Variants in LNX2 observed in about 807,000 individuals in gnomAD.
LNX2 encodes the protein ligand of numb-protein X 2, also known as ligand of Numb protein X 2.
A neutral mutation model predicts 66.2 loss-of-function variants in LNX2; 35 were observed. That is an observed-to-expected ratio of 0.53 (90% CI 0.40 to 0.70). LNX2 has a LOEUF of 0.70. Ranked by LOEUF, LNX2 falls within the 30% of genes least tolerant of loss-of-function variation. LNX2 has a pLI of 0.00. For synonymous variants in LNX2, 337 were observed against 315.6 expected, an observed-to-expected ratio of 1.07 and a Z score of -0.72; for missense variants, 791 against 850.8, an observed-to-expected ratio of 0.93 and a Z score of 0.87.
Position 27,553,352 on chromosome 13 carries a change from G to T in LNX2, c.1634C>A (p.Ser545Tyr). ...AVAMLKASAASPAVALKALEV... is the reference protein window; with the variant it reads ...AVAMLKASAAYPAVALKALEV... ...AAGTGCTTTAAGGGCAACAGCAGGGGACGCGGCACTGGCTTTCAGCATTGC... is the reference window on the plus strand; with the variant it reads ...AAGTGCTTTAAGGGCAACAGCAGGGTACGCGGCACTGGCTTTCAGCATTGC... The change falls in exon 8 of 10, where the codon TCC (serine) becomes TAC (tyrosine). Residue 545 changes from serine (S) to tyrosine (Y), a missense_variant. Transcript: ENST00000316334. 1 of 1,614,152 alleles carries T rather than the reference G, an allele frequency of 6.2e-7. No individual in the cohort carries two copies. The highest frequency in any genetic ancestry group is 8.5e-7 in the Non-Finnish European group (1 of 1,180,032).
intron 7 of LNX2, among the ~76,000 whole-genome samples, chr13:27,555,705 T>A (rs1200243424): frequency 6.6e-6 from 1 of 152,206 alleles, no homozygotes; most frequent in African/African-American, 2.4e-5. Flanking sequence ...GTTTTCAGAG[T>A]CACTTTTCTT....
chr13:27,569,022 C>T lies in LNX2; in HGVS notation c.655+7G>A, dbSNP rs1955241627. 1.2e-6 allele frequency: 2 copies of T among 1,610,784 alleles called. No individual in the cohort carries two copies. Among genetic ancestry groups the T allele is most frequent in the African/African-American group, 1.3e-5 (1 of 74,654 alleles). On this transcript the variant is annotated splice_region_variant and intron_variant, in intron 3 of 9. Transcript: ENST00000316334. ...ATGAAATACACAAGGAGTTGCACCA[C>T]ACATACTGTCAGCTCCAGCGCTCTC...
rs35280780 is a variant in LNX2, at chr13:27,593,563, CTTTTTTTT to C, written c.-100-11768_-100-11761del. On this transcript the variant is annotated intron_variant, in intron 1 of 9. Transcript: ENST00000316334. ...CCTTGAAACTCTTTGCTGGCTGAAA[CTTTTTTTT>C]TTTTTTTTTTTTTGAGATGAAGTTT... 1.6e-4 allele frequency among the ~76,000 whole-genome samples: 19 copies of C among 115,564 alleles called. No individual in the cohort carries two copies. In the East Asian group the frequency reaches 3.2e-3, roughly 19 times the overall value. 75.8% of individuals were successfully genotyped at this position (115,564 alleles called of 152,430 possible). A position where few individuals can be genotyped will look rare whatever the true frequency, so the allele number is the denominator to read the frequency against.
chr13:27,574,251 C>T (rs1281682347), intron 2 of LNX2, among the ~76,000 whole-genome samples: 4 of 152,140 alleles, frequency 2.6e-5, no homozygotes, highest in Admixed American at 6.5e-5. Context: ...TCAAGACCAG[C>T]CTGAACAATA....
intron 2 of LNX2, among the ~76,000 whole-genome samples, chr13:27,580,181 T>C (rs79646933): frequency 0.011 from 1,719 of 152,226 alleles, 29 homozygotes; most frequent in African/African-American, 0.038. Context: ...GCAGAGAACA[T>C]GACTTGACCT....
chr13:27,562,791 A>C lies in LNX2; in HGVS notation c.856-10T>G, dbSNP rs756144800. ...TATTGTAGTTGTTGACCTAGAAAAA[A>C]AGAATTGTGACCGAAGTGTGACAAC... On this transcript the variant is annotated splice_polypyrimidine_tract_variant and intron_variant, in intron 4 of 9. Coordinates refer to ENST00000316334, the MANE Select transcript of LNX2 (RefSeq NM_153371.4). 3.1e-6 allele frequency: 5 copies of C among 1,592,620 alleles called. No individual in the cohort carries two copies. Among genetic ancestry groups the C allele is most frequent in the Non-Finnish European group, 4.3e-6 (5 of 1,167,914 alleles).
chr13:27,553,452 A>T lies in LNX2; in HGVS notation c.1547-13T>A. On this transcript the variant is annotated splice_polypyrimidine_tract_variant and intron_variant, in intron 7 of 9. Coordinates refer to ENST00000316334, the MANE Select transcript of LNX2 (RefSeq NM_153371.4). Reference sequence around the variant, plus strand: ...AGCAACACATCACCTGTTCAGATGAAGAAACAAGAAAAATGAGCTGAGCCA... The same window carrying T: ...AGCAACACATCACCTGTTCAGATGATGAAACAAGAAAAATGAGCTGAGCCA... The T allele has an allele frequency of 3.1e-6, 5 of 1,600,240 alleles. No individual in the cohort carries two copies. The South Asian group carries it at 5.5e-5, about 18-fold the overall frequency.
intron 1 of LNX2, among the ~76,000 whole-genome samples, chr13:27,611,568 G>A (rs564692014): frequency 4.1e-4 from 63 of 152,262 alleles, no homozygotes; most frequent in African/African-American, 1.3e-3. Context: ...AAATGGTTAC[G>A]ATAGTAAATT....
intron 4 of LNX2, among the ~76,000 whole-genome samples, chr13:27,567,263 G>A (rs1358129381): frequency 1.3e-5 from 2 of 152,014 alleles, no homozygotes; most frequent in Non-Finnish European, 2.9e-5. Context: ...GGTAATGAAT[G>A]GGAAAACTGG....
chr13:27,604,500 G>A (rs567448683), intron 1 of LNX2, among the ~76,000 whole-genome samples: 10 of 152,312 alleles, frequency 6.6e-5, no homozygotes, highest in African/African-American at 2.2e-4. Context: ...TCCACCATAA[G>A]TTTCACTGCA....
intron 9 of LNX2, 106 bp from the exon 10 acceptor site, chr13:27,548,576 A>G: frequency 8.7e-7 from 1 of 1,146,310 alleles, no homozygotes; most frequent in Non-Finnish European, 1.2e-6. Flanking sequence ...TTACCACTGA[A>G]CTGTCAATGG....
chr13:27,605,622 T>C (rs749786033), intron 1 of LNX2, among the ~76,000 whole-genome samples: 1 of 152,212 alleles, frequency 6.6e-6, no homozygotes, highest in Non-Finnish European at 1.5e-5. Context: ...CCATATTATC[T>C]TGTCCAAATT....
At chr13:27,607,796 G>A (rs182052055) in intron 1 of LNX2, among the ~76,000 whole-genome samples, 2 of 152,316 alleles carry the variant, frequency 1.3e-5, no homozygotes, top group East Asian at 3.9e-4. Context: ...AAAAGGGCAG[G>A]AAGCAAAGAT....
chr13:27,566,424 G>A (rs1431894789), intron 4 of LNX2, among the ~76,000 whole-genome samples: 1 of 152,184 alleles, frequency 6.6e-6, no homozygotes, highest in Non-Finnish European at 1.5e-5. Context: ...TGCCTAGAAT[G>A]TTGTGAGAAA....
At chr13:27,559,761 C>T (rs1403044184) in intron 6 of LNX2, 81 bp downstream of exon 6, 4 of 1,365,982 alleles carry the variant, frequency 2.9e-6, no homozygotes, top group East Asian at 2.5e-5. Flanking sequence ...GACTGACACA[C>T]AAAAAAACCT....
chr13:27,560,569 A>ATATATATATATATATATATATATATG (rs1566117040), intron 5 of LNX2, among the ~76,000 whole-genome samples: 4 of 127,600 alleles, frequency 3.1e-5, no homozygotes, highest in Non-Finnish European at 6.7e-5. Flanking sequence ...ATGTGTGTAT[A>ATATATATATATATATATATATATATG]TATATATATA....
intron 2 of LNX2, among the ~76,000 whole-genome samples, chr13:27,577,174 G>A (rs1400216439): frequency 1.3e-5 from 2 of 152,120 alleles, no homozygotes; most frequent in African/African-American, 4.8e-5. Context: ...TATCTTTGGA[G>A]AACTATCTAT....
At chr13:27,613,312 A>G (rs1243363110) in intron 1 of LNX2, among the ~76,000 whole-genome samples, 1 of 152,084 alleles carries the variant, frequency 6.6e-6, no homozygotes, top group African/African-American at 2.4e-5. Flanking sequence ...GGACTGGCAC[A>G]CTGTTGCTGT....
chr13:27,605,332 C>T (rs1955702743), intron 1 of LNX2, among the ~76,000 whole-genome samples: 3 of 152,148 alleles, frequency 2.0e-5, no homozygotes, highest in Non-Finnish European at 4.4e-5. Flanking sequence ...TCTACAAAAT[C>T]ATTCAACTGC....
Sources: gnomAD v4.1 joint callset for allele counts (sites outside exome capture counted in the v4.1 genomes callset) on GRCh38, gnomAD v4.1.1 for gene constraint, MANE v1.5 for transcripts, NCBI Gene and HGNC (gene_info 2026-07-23, HGNC 2026-07-21) for gene names.